RAD51C: variants seen among roughly 807,000 people sequenced by gnomAD.
RAD51C encodes the protein RAD51 paralog C, also known as DNA repair protein RAD51 homolog 3.
Under a neutral mutation model 45.0 loss-of-function variants are expected in RAD51C, and 42 were observed. The observed-to-expected ratio is 0.93, with a 90% CI of 0.73 to 1.21. The LOEUF (loss-of-function observed/expected upper bound fraction) is 1.21, where lower values mean the gene tolerates loss of function less well. Among genes scored for constraint, RAD51C ranks in the 50% most tolerant of loss-of-function variants. The pLI is 0.00. For synonymous variants in RAD51C, 172 were observed against 159.8 expected, an observed-to-expected ratio of 1.08 and a Z score of -0.58; for missense variants, 474 against 452.2, an observed-to-expected ratio of 1.05 and a Z score of -0.44.
At chr17:58,710,087 A>G (rs2048505683) in intron 5 of RAD51C, 97 bp downstream of exon 5, 5 of 1,367,796 alleles carry the variant, frequency 3.7e-6, no homozygotes, top group Non-Finnish European at 5.2e-6. Context: ...CCTGACAAAT[A>G]ATATAGACAT....
At chr17:58,713,841 A>G (rs1344748343) in intron 5 of RAD51C, among the ~76,000 whole-genome samples, 1 of 151,888 alleles carries the variant, frequency 6.6e-6, no homozygotes, top group Non-Finnish European at 1.5e-5. Flanking sequence ...TTTTGTAGAG[A>G]TGAGGTCTCA....
intron 5 of RAD51C, among the ~76,000 whole-genome samples, chr17:58,710,930 T>C (rs1363880963): frequency 3.3e-5 from 5 of 152,270 alleles, no homozygotes; most frequent in Middle Eastern, 6.8e-3. Flanking sequence ...TTAACTTGAT[T>C]TCTTTGTCTT....
chr17:58,719,317 A>G (rs943514995), intron 5 of RAD51C, among the ~76,000 whole-genome samples: 2 of 151,714 alleles, frequency 1.3e-5, no homozygotes, highest in Admixed American at 6.6e-5. Flanking sequence ...GGCTCAACCA[A>G]TTCTCCTGCC....
chr17:58,707,556 A>G (rs775448974), intron 4 of RAD51C, among the ~76,000 whole-genome samples: 1 of 151,386 alleles, frequency 6.6e-6, no homozygotes, highest in Non-Finnish European at 1.5e-5. Context: ...ATTGCCCTTA[A>G]TGTCCATATT....
At chr17:58,700,831 T>C (rs2048188481) in intron 3 of RAD51C, among the ~76,000 whole-genome samples, 3 of 152,226 alleles carry the variant, frequency 2.0e-5, no homozygotes, top group African/African-American at 7.2e-5. Context: ...TAGGAAATGT[T>C]TTCTATTTTA....
At chr17:58,697,991 C>A (rs1020076319) in intron 3 of RAD51C, among the ~76,000 whole-genome samples, 2 of 151,992 alleles carry the variant, frequency 1.3e-5, no homozygotes, top group African/African-American at 4.8e-5. Flanking sequence ...GGATTACGGG[C>A]GTGAGCCACC....
intron 4 of RAD51C, among the ~76,000 whole-genome samples, chr17:58,705,088 G>A (rs1835817933): frequency 6.9e-6 from 1 of 145,282 alleles, no homozygotes. Context: ...CTGAGATCGT[G>A]ACACTGCACT....
intron 7 of RAD51C, among the ~76,000 whole-genome samples, chr17:58,724,400 T>C (rs1199531623): frequency 6.6e-6 from 1 of 152,064 alleles, no homozygotes; most frequent in Non-Finnish European, 1.5e-5. Context: ...ATTAGCCATG[T>C]AGAAGGAGGT....
chr17:58,732,472 T>C lies in RAD51C; in HGVS notation c.966-12T>C, dbSNP rs1057522948. 5.6e-6 allele frequency: 9 copies of C among 1,609,514 alleles called. No homozygotes were observed. Among genetic ancestry groups the C allele is most frequent in the East Asian group, 2.2e-5 (1 of 44,768 alleles). Reference sequence around the variant, plus strand: ...ATGTGTTTGTATGTATTTATTCTTTTTCTTTAAGCAGGTTGGCAACATTGT... The same window carrying C: ...ATGTGTTTGTATGTATTTATTCTTTCTCTTTAAGCAGGTTGGCAACATTGT... On this transcript the variant is annotated splice_polypyrimidine_tract_variant and intron_variant, in intron 7 of 8. Coordinates refer to ENST00000337432, the MANE Select transcript of RAD51C (RefSeq NM_058216.3).
intron 1 of RAD51C, 49 bp downstream of exon 1, chr17:58,692,837 C>T (rs773517999): frequency 4.8e-5 from 78 of 1,613,256 alleles, no homozygotes; most frequent in Non-Finnish European, 6.2e-5. Context: ...CCGTCAGCGC[C>T]GCCTCAGTCT....
intron 7 of RAD51C, 112 bp from the exon 8 acceptor site, chr17:58,732,372 T>C (rs2049463125): frequency 1.2e-6 from 1 of 869,554 alleles, no homozygotes; most frequent in East Asian, 2.7e-5. Context: ...AGAGAAAAAA[T>C]AGAATTATTA....
rs2049130637 is a variant in RAD51C at position 58,726,420 on chromosome 17, A to ATATG, written c.965+2321_965+2322insATGT. ...ATATATGTGTATATATATAGATTAT[A>ATATG]TGTATATATGTGTATACGTATAGAT... On this transcript the variant is annotated intron_variant, in intron 7 of 8. Coordinates refer to ENST00000337432, the MANE Select transcript of RAD51C (RefSeq NM_058216.3). Among the ~76,000 whole-genome samples the ATATG allele has an allele frequency of 5.3e-5, 8 of 149,878 alleles. No individual in the cohort carries two copies. The Admixed American group carries it at 5.3e-4, about 10-fold the overall frequency.
rs372566893 is a variant in RAD51C, at chr17:58,703,160, C to G, written c.572-36C>G. The G allele has an allele frequency of 3.7e-5, 60 of 1,601,866 alleles. No individual in the cohort carries two copies. Among genetic ancestry groups the G allele is most frequent in the Non-Finnish European group, 4.4e-5 (52 of 1,170,002 alleles). On this transcript the variant is annotated intron_variant, in intron 3 of 8. Coordinates refer to ENST00000337432, the MANE Select transcript of RAD51C (RefSeq NM_058216.3). ...TTCTACAATTGCCAATACATCCAAA[C>G]AGGTAAAACTAATTAAGAGTGTTTT...
chr17:58,733,978 A>G, intron 8 of RAD51C, 140 bp from the exon 9 acceptor site: 1 of 1,315,700 alleles, frequency 7.6e-7, no homozygotes, highest in South Asian at 1.4e-5. Context: ...AGCCTCCCAA[A>G]GTGCTGGGAT....
intron 7 of RAD51C, among the ~76,000 whole-genome samples, chr17:58,726,620 G>A (rs1352685328): frequency 6.7e-6 from 1 of 148,488 alleles, no homozygotes; most frequent in South Asian, 2.1e-4. Context: ...ATGTATATAT[G>A]TGTATACGTA....
At chr17:58,715,840 C>T (rs973236937) in intron 5 of RAD51C, among the ~76,000 whole-genome samples, 1 of 152,114 alleles carries the variant, frequency 6.6e-6, no homozygotes, top group Non-Finnish European at 1.5e-5. Flanking sequence ...CATGGTGGCT[C>T]ACGCCTGTAA....
intron 5 of RAD51C, among the ~76,000 whole-genome samples, chr17:58,714,382 A>G (rs1018104228): frequency 2.0e-5 from 3 of 152,196 alleles, no homozygotes; most frequent in African/African-American, 7.2e-5. Context: ...ACTATGCTCC[A>G]AAGTATGTCT....
chr17:58,729,881 T>G (rs1488603748), intron 7 of RAD51C, among the ~76,000 whole-genome samples: 1 of 152,088 alleles, frequency 6.6e-6, no homozygotes, highest in Non-Finnish European at 1.5e-5. Flanking sequence ...GACTTTAGGA[T>G]TCTTAACAAG....
chr17:58,707,048 C>T (rs1444223585), intron 4 of RAD51C, among the ~76,000 whole-genome samples: 1 of 152,140 alleles, frequency 6.6e-6, no homozygotes, highest in Admixed American at 6.6e-5. Context: ...CTAGGAGAAA[C>T]CAAGCCACTT....
Sources: gnomAD v4.1 joint callset for allele counts (sites outside exome capture counted in the v4.1 genomes callset) on GRCh38, gnomAD v4.1.1 for gene constraint, MANE v1.5 for transcripts, NCBI Gene and HGNC (gene_info 2026-07-23, HGNC 2026-07-21) for gene names.